The following STK32C variants were observed in gnomAD, a reference collection of about 807,000 sequenced individuals.
STK32C encodes the protein serine/threonine-protein kinase 32C.
A neutral mutation model predicts 56.5 loss-of-function variants in STK32C; 31 were observed. The ratio of observed to expected loss-of-function variants is 0.55; its 90% confidence interval spans 0.41 to 0.74. The LOEUF (loss-of-function observed/expected upper bound fraction) is 0.74, where lower values mean the gene tolerates loss of function less well. STK32C is among the 30% of genes least tolerant of loss of function. The pLI, the probability that STK32C is intolerant of heterozygous loss-of-function variation, is 0.00. For missense variants in STK32C, 544 were observed against 676.9 expected, an observed-to-expected ratio of 0.80 and a Z score of 2.18; for synonymous variants, 309 against 289.4, an observed-to-expected ratio of 1.07 and a Z score of -0.69.
chr10:132,285,467 T>G (rs1460190642), intron 1 of STK32C, among the ~76,000 whole-genome samples: 1 of 152,246 alleles, frequency 6.6e-6, no homozygotes, highest in Non-Finnish European at 1.5e-5. Flanking sequence ...GTAAAAGATG[T>G]ACTTCCTATT....
intron 1 of STK32C, among the ~76,000 whole-genome samples, chr10:132,298,758 A>T (rs2065831001): frequency 6.6e-6 from 1 of 152,026 alleles, no homozygotes; most frequent in African/African-American, 2.4e-5. Context: ...CTCCCTTTGC[A>T]AGGAACAGAG....
intron 1 of STK32C, among the ~76,000 whole-genome samples, chr10:132,273,905 C>T (rs899671240): frequency 1.3e-5 from 2 of 152,204 alleles, no homozygotes; most frequent in South Asian, 2.1e-4. Flanking sequence ...GCCCACTATG[C>T]GTGTGCTGAC....
At chr10:132,327,092 C>T (rs2066514598) in intron 1 of STK32C, among the ~76,000 whole-genome samples, 1 of 152,118 alleles carries the variant, frequency 6.6e-6, no homozygotes, top group African/African-American at 2.4e-5. Context: ...GCTGTGTCTC[C>T]ACTCAAATCT....
chr10:132,256,237 C>G (rs1345968692), intron 1 of STK32C, among the ~76,000 whole-genome samples: 4 of 152,156 alleles, frequency 2.6e-5, no homozygotes, highest in Admixed American at 2.6e-4. Flanking sequence ...TTCTCCTGCC[C>G]AGGTACACAC....
chr10:132,215,761 G>GTA (rs1169168682), intron 10 of STK32C, among the ~76,000 whole-genome samples: 1 of 152,200 alleles, frequency 6.6e-6, no homozygotes, highest in African/African-American at 2.4e-5. Context: ...TTAGAACTGG[G>GTA]TAATAGGCAG....
At chr10:132,238,331 G>A (rs1785109752) in intron 2 of STK32C, among the ~76,000 whole-genome samples, 1 of 152,198 alleles carries the variant, frequency 6.6e-6, no homozygotes, top group South Asian at 2.1e-4. Context: ...GGAGATGCCT[G>A]CCATTGATGA....
At chr10:132,313,576 A>G (rs151047972) in intron 1 of STK32C, among the ~76,000 whole-genome samples, 2,195 of 152,384 alleles carry the variant, frequency 0.014, 43 homozygotes, top group South Asian at 0.045. Flanking sequence ...CAGTCCTGAC[A>G]GAGCATGAGG....
chr10:132,271,953 T>C (rs1370511418), intron 1 of STK32C, among the ~76,000 whole-genome samples: 2 of 152,208 alleles, frequency 1.3e-5, no homozygotes, highest in Non-Finnish European at 2.9e-5. Flanking sequence ...CATGTTTGTG[T>C]GTGTGCTGGC....
At chr10:132,325,641 T>C (rs767368080) in intron 1 of STK32C, among the ~76,000 whole-genome samples, 1 of 151,760 alleles carries the variant, frequency 6.6e-6, no homozygotes, top group Non-Finnish European at 1.5e-5. Context: ...CCTTCCGCCA[T>C]GATTGTGAGG....
At chr10:132,280,926 A>G (rs1235457701) in intron 1 of STK32C, among the ~76,000 whole-genome samples, 1 of 142,360 alleles carries the variant, frequency 7.0e-6, no homozygotes, top group African/African-American at 2.7e-5. Context: ...ATGCCCCTGC[A>G]CTCCATGATC....
At chr10:132,303,116 G>A (rs779474118) in intron 1 of STK32C, among the ~76,000 whole-genome samples, 2 of 152,252 alleles carry the variant, frequency 1.3e-5, no homozygotes, top group African/African-American at 2.4e-5. Context: ...CAGGCCGGGA[G>A]CAGCAAGGGC....
chr10:132,260,288 A>G (rs1015350165), intron 1 of STK32C, among the ~76,000 whole-genome samples: 13 of 152,244 alleles, frequency 8.5e-5, no homozygotes, highest in African/African-American at 3.1e-4. Context: ...CCACCCCCAG[A>G]GTCCGGCCCG....
At chr10:132,233,615 C>T (rs1205573465) in intron 2 of STK32C, among the ~76,000 whole-genome samples, 1 of 152,208 alleles carries the variant, frequency 6.6e-6, no homozygotes, top group Non-Finnish European at 1.5e-5. Flanking sequence ...GCTGCGATGG[C>T]ACCACCTGGC....
rs72856746 is a variant in STK32C, at chr10:132,250,689, G to A, written c.263-4734C>T. 4.9e-3 allele frequency among the ~76,000 whole-genome samples: 747 copies of A among 152,328 alleles called. 8 individuals carry two copies. The highest frequency in any genetic ancestry group is 0.035 in the South Asian group (168 of 4,822). ...CCGCCCCGAGTGCAGGTGTGTGTGA[G>A]GTGCCCGGGACAGGTCATTGCAGAG... On this transcript the variant is annotated intron_variant, in intron 1 of 11. Coordinates refer to ENST00000298630, the MANE Select transcript of STK32C (RefSeq NM_173575.4).
chr10:132,225,535 G>A lies in STK32C; in HGVS notation c.764C>T (p.Pro255Leu), dbSNP rs1300612687. The change falls in exon 6 of 12, where the codon CCG (proline) becomes CTG (leucine). Residue 255 changes from proline to leucine, a missense_variant. Around this residue, in one of 3 missense-constraint regions of STK32C, gnomAD observed 85 missense variants for 149.9 expected, o/e 0.57. Coordinates refer to ENST00000298630, the MANE Select transcript of STK32C (RefSeq NM_173575.4). ...ERATALAGTKPYMAPEIFHSF... is the reference protein window; with the variant it reads ...ERATALAGTKLYMAPEIFHSF... ...CCCCAGCTCGGGCTCACCCATGTAC[G>A]GCTTGGTGCCTGCTAATGCCGTCGC... is the stretch of plus-strand genomic sequence containing the variant. 1.8e-5 allele frequency: 29 copies of A among 1,613,662 alleles called. No individual in the cohort carries two copies. The highest frequency in any genetic ancestry group is 3.3e-5 in the Admixed American group (2 of 60,000).
At chr10:132,331,365 G>C in intron 1 of STK32C, 2 of 1,481,504 alleles carry the variant, frequency 1.3e-6, no homozygotes, top group South Asian at 1.3e-5. Flanking sequence ...GACCACGCGA[G>C]CACCTCCCCT....
chr10:132,244,728 G>C (rs1196919001), intron 2 of STK32C, among the ~76,000 whole-genome samples: 1 of 152,194 alleles, frequency 6.6e-6, no homozygotes, highest in Non-Finnish European at 1.5e-5. Flanking sequence ...GAGGGGAGCA[G>C]TCCCCCAAAA....
chr10:132,214,958 G>A (rs2062423893), intron 10 of STK32C, among the ~76,000 whole-genome samples: 1 of 152,324 alleles, frequency 6.6e-6, no homozygotes, highest in South Asian at 2.1e-4. Flanking sequence ...AGGGAAAAAG[G>A]AAGAACAATA....
At chr10:132,275,693 C>T (rs558513497) in intron 1 of STK32C, among the ~76,000 whole-genome samples, 93 of 152,334 alleles carry the variant, frequency 6.1e-4, no homozygotes, top group Middle Eastern at 6.8e-3. Context: ...GGATGAGGAC[C>T]TGGGCCCATG....
Sources: allele counts gnomAD v4.1 joint callset (sites outside exome capture counted in the v4.1 genomes callset), GRCh38; gene constraint gnomAD v4.1.1; regional missense constraint gnomAD v4.1.1; transcripts MANE v1.5; gene names NCBI Gene and HGNC (gene_info 2026-07-23, HGNC 2026-07-21).